DPP10: variants seen among roughly 807,000 people sequenced by gnomAD.
DPP10 encodes dipeptidyl peptidase like 10, also known as inactive dipeptidyl peptidase 10.
Under a neutral mutation model 120.9 loss-of-function variants are expected in DPP10, and 33 were observed. The ratio of observed to expected loss-of-function variants is 0.27; its 90% CI spans 0.21 to 0.37. The LOEUF is 0.37. Ranked by LOEUF, DPP10 falls within the 10% of genes least tolerant of loss-of-function variation. The probability of loss-of-function intolerance (pLI) is 1.00; values close to 1 mark genes in which losing one functional copy is unlikely to be tolerated. For synonymous variants in DPP10, 337 were observed against 326.1 expected, an observed-to-expected ratio of 1.03 and a Z score of -0.36; for missense variants, 816 against 942.8, an observed-to-expected ratio of 0.87 and a Z score of 1.76.
At chr2:114,532,066 T>G (rs1440685305) in intron 1 of DPP10, among the ~76,000 whole-genome samples, 1 of 151,692 alleles carries the variant, frequency 6.6e-6, no homozygotes, top group Non-Finnish European at 1.5e-5. Flanking sequence ...CCTGTAGACG[T>G]GGGTGCTCCC....
chr2:115,550,663 T>A (rs182349133), intron 5 of DPP10, among the ~76,000 whole-genome samples: 1 of 152,294 alleles, frequency 6.6e-6, no homozygotes, highest in African/African-American at 2.4e-5. Context: ...GAGAATCAAC[T>A]ATAACGCTTA....
chr2:115,253,316 G>A (rs2058832824), intron 1 of DPP10, among the ~76,000 whole-genome samples: 2 of 152,002 alleles, frequency 1.3e-5, no homozygotes, highest in African/African-American at 2.4e-5. Flanking sequence ...GATTTGGAGG[G>A]AACATATATC....
chr2:114,693,082 A>C (rs1253073264), intron 1 of DPP10, among the ~76,000 whole-genome samples: 1 of 152,000 alleles, frequency 6.6e-6, no homozygotes, highest in African/African-American at 2.4e-5. Context: ...TTTACATTTA[A>C]GATTAGTATT....
intron 5 of DPP10, among the ~76,000 whole-genome samples, chr2:115,558,629 C>T (rs2080367799): frequency 6.6e-6 from 1 of 152,028 alleles, no homozygotes; most frequent in African/African-American, 2.4e-5. Flanking sequence ...CAAAACTGTA[C>T]TCATTATAGT....
intron 3 of DPP10, among the ~76,000 whole-genome samples, chr2:115,483,610 G>A (rs1375144): frequency 0.56 from 84,927 of 151,824 alleles, 25,036 homozygotes; most frequent in Non-Finnish European, 0.67. Flanking sequence ...TTGGTTAATC[G>A]TGATGAGAAG....
intron 1 of DPP10, among the ~76,000 whole-genome samples, chr2:114,449,741 G>T (rs1050738341): frequency 6.6e-6 from 1 of 152,070 alleles, no homozygotes; most frequent in South Asian, 2.1e-4. Flanking sequence ...TTTGTATTAT[G>T]ATTTGTTCTA....
At chr2:115,619,371 G>A (rs1249876771) in intron 5 of DPP10, among the ~76,000 whole-genome samples, 2 of 151,836 alleles carry the variant, frequency 1.3e-5, no homozygotes, top group African/African-American at 4.8e-5. Flanking sequence ...CATCGTGCCT[G>A]GCCCCGTTTG....
intron 5 of DPP10, among the ~76,000 whole-genome samples, chr2:115,617,698 C>T (rs1255756702): frequency 6.6e-6 from 1 of 151,932 alleles, no homozygotes; most frequent in Non-Finnish European, 1.5e-5. Context: ...GGCTAGACCA[C>T]CTAGGTTTGT....
chr2:115,764,824 G>T lies in DPP10; in HGVS notation c.1113+2214G>T, dbSNP rs1050898650. ...GAGTTATATGAAATTTAATGTATGA[G>T]CATGGTAGCAGTAATAAGAAGCAGC... On this transcript the variant is annotated intron_variant, in intron 12 of 25. Coordinates refer to ENST00000410059, the MANE Select transcript of DPP10 (RefSeq NM_020868.6). Among the ~76,000 whole-genome samples the T allele has an allele frequency of 2.6e-5, 4 of 152,010 alleles. No homozygotes were observed. In the East Asian group the frequency reaches 5.8e-4, roughly 22 times the overall value.
chr2:114,693,698 A>G lies in DPP10; in HGVS notation c.60+250860A>G, dbSNP rs1304406334. Among the ~76,000 whole-genome samples, 6 of 151,890 alleles carry G rather than the reference A, an allele frequency of 4.0e-5. 1 individual carries two copies. In the South Asian group the frequency reaches 1.0e-3, roughly 26 times the overall value. On this transcript the variant is annotated intron_variant, in intron 1 of 25. Coordinates refer to ENST00000410059, the MANE Select transcript of DPP10 (RefSeq NM_020868.6). ...TTTCCAACTTTATTCCATTCTCCCCATCTCTTTGAGGTACCCCAATCAGTC... is the reference window on the plus strand; with the variant it reads ...TTTCCAACTTTATTCCATTCTCCCCGTCTCTTTGAGGTACCCCAATCAGTC...
At chr2:115,790,721 C>T (rs1301213974) in intron 17 of DPP10, among the ~76,000 whole-genome samples, 1 of 152,162 alleles carries the variant, frequency 6.6e-6, no homozygotes, top group Non-Finnish European at 1.5e-5. Context: ...CAGGTGTCCT[C>T]ATCCTGTGTT....
intron 1 of DPP10, among the ~76,000 whole-genome samples, chr2:114,627,116 C>T (rs1694569581): frequency 6.6e-6 from 1 of 152,020 alleles, no homozygotes; most frequent in Non-Finnish European, 1.5e-5. Flanking sequence ...AGTCGCAAGT[C>T]GTATTTTTGA....
chr2:115,650,025 A>G (rs953998824), intron 5 of DPP10, among the ~76,000 whole-genome samples: 5 of 152,182 alleles, frequency 3.3e-5, no homozygotes, highest in South Asian at 2.1e-4. Context: ...GGCAAAAAAA[A>G]AGAGAGAGAC....
intron 1 of DPP10, among the ~76,000 whole-genome samples, chr2:115,038,237 C>A (rs533464644): frequency 3.7e-4 from 56 of 151,284 alleles, no homozygotes; most frequent in African/African-American, 1.3e-3. Context: ...TTTTACTCAG[C>A]AAATATTTAT....
chr2:115,053,410 T>A (rs918446285), intron 1 of DPP10, among the ~76,000 whole-genome samples: 5 of 152,180 alleles, frequency 3.3e-5, no homozygotes, highest in Non-Finnish European at 7.3e-5. Context: ...ATGTCCAGAA[T>A]AAATAGACAA....
chr2:114,860,045 A>T lies in DPP10; in HGVS notation c.60+417207A>T, dbSNP rs1422302024. Among the ~76,000 whole-genome samples, 4 of 152,240 alleles carry T rather than the reference A, an allele frequency of 2.6e-5. No homozygotes were observed. In the East Asian group the frequency reaches 7.7e-4, roughly 29 times the overall value. The stretch of plus-strand genomic sequence containing the variant: ...CATACTTTGAGAAGCAAGGGTATAC[A>T]TACACCACATTAAGTAATAGACTAA... On this transcript the variant is annotated intron_variant, in intron 1 of 25. Transcript: ENST00000410059.
At chr2:115,622,998 A>G (rs2149288749) in intron 5 of DPP10, among the ~76,000 whole-genome samples, 1 of 151,624 alleles carries the variant, frequency 6.6e-6, no homozygotes, top group South Asian at 2.1e-4. Flanking sequence ...GCCCGCCCCC[A>G]CGCCTGACTA....
intron 1 of DPP10, among the ~76,000 whole-genome samples, chr2:114,785,351 G>T (rs1486331427): frequency 2.0e-5 from 3 of 151,896 alleles, no homozygotes; most frequent in African/African-American, 7.2e-5. Context: ...CCCTCTGCCT[G>T]CTGTCACATA....
intron 5 of DPP10, among the ~76,000 whole-genome samples, chr2:115,675,824 A>G (rs556678309): frequency 1.3e-5 from 2 of 152,276 alleles, no homozygotes; most frequent in Admixed American, 1.3e-4. Flanking sequence ...TTTTGAGAGC[A>G]TGGTCACCAT....
Sources: gnomAD v4.1 joint callset for allele counts (sites outside exome capture counted in the v4.1 genomes callset) on GRCh38, gnomAD v4.1.1 for gene constraint, MANE v1.5 for transcripts, NCBI Gene and HGNC (gene_info 2026-07-23, HGNC 2026-07-21) for gene names.